Variants in BMPR2 observed in about 807,000 individuals in gnomAD.
The protein encoded by BMPR2 is bone morphogenetic protein receptor type 2, also known as bone morphogenetic protein receptor type-2.
BMPR2 carries 29 observed loss-of-function variants against 100.8 expected under a neutral mutation model. The observed-to-expected ratio is 0.29, with a 90% confidence interval of 0.21 to 0.39. BMPR2 has a LOEUF of 0.39. Among genes scored for constraint, BMPR2 ranks in the 10% least tolerant of loss-of-function variants. The probability of loss-of-function intolerance (pLI) is 1.00; values close to 1 mark genes in which losing one functional copy is unlikely to be tolerated. For synonymous variants in BMPR2, 382 were observed against 442.3 expected (o/e 0.86, Z 1.71); for missense variants, 1,011 against 1,274.5 (o/e 0.79, Z 3.15).
chr2:202,521,084 T>G (rs1452862370), intron 7 of BMPR2: 1 of 153,204 alleles, frequency 6.5e-6, no homozygotes, highest in Non-Finnish European at 1.5e-5. Context: ...GGGGCAGCAG[T>G]CCAGGTGCTC....
At chr2:202,486,378 C>T (rs530353125) in intron 3 of BMPR2, among the ~76,000 whole-genome samples, 2 of 152,214 alleles carry the variant, frequency 1.3e-5, no homozygotes, top group East Asian at 3.9e-4. Context: ...CTTGTAATCC[C>T]AGCACTTTGG....
intron 1 of BMPR2, among the ~76,000 whole-genome samples, chr2:202,399,792 A>G (rs1210832907): frequency 1.3e-5 from 2 of 152,194 alleles, no homozygotes; most frequent in Non-Finnish European, 2.9e-5. Context: ...TGTTTTTTAA[A>G]TAGCAGAGAC....
At position 202,528,632 on chromosome 2, in the gene BMPR2, T is replaced by TA. The variant is rs1209827404; in HGVS notation, c.968-2161dup. On this transcript the variant is annotated intron_variant, in intron 7 of 12. Coordinates refer to ENST00000374580, the MANE Select transcript of BMPR2 (RefSeq NM_001204.7). ...CTATCTTAAATATGCTCAGAACACT[T>TA]ACATTAGCCTACAGTTGGCCAAATC... 2.6e-5 allele frequency among the ~76,000 whole-genome samples: 4 copies of TA among 152,344 alleles called. No individual in the cohort carries two copies. The East Asian group carries it at 7.7e-4, about 29-fold the overall frequency.
At chr2:202,417,402 G>A (rs778531018) in intron 1 of BMPR2, among the ~76,000 whole-genome samples, 1 of 151,302 alleles carries the variant, frequency 6.6e-6, no homozygotes, top group Admixed American at 6.6e-5. Context: ...TTCCGGGTTC[G>A]AGCGATTCTC....
At chr2:202,405,659 G>A (rs1353735961) in intron 1 of BMPR2, among the ~76,000 whole-genome samples, 1 of 130,474 alleles carries the variant, frequency 7.7e-6, no homozygotes, top group African/African-American at 3.0e-5. Context: ...TTGCACTCCA[G>A]CCTGAGCAAC....
rs369846061 is a variant in BMPR2 at position 202,531,627 on chromosome 2, AATTT to A, written c.1128+682_1128+685del. ...ATATATGTATTTTTGTGATTTTAAA[AATTT>A]ATTTATTTGTTTATTTTGAGATGGA... On this transcript the variant is annotated intron_variant, in intron 8 of 12. Coordinates refer to ENST00000374580, the MANE Select transcript of BMPR2 (RefSeq NM_001204.7). Among the ~76,000 whole-genome samples, 43 of 152,176 alleles carry A rather than the reference AATTT, an allele frequency of 2.8e-4. No individual in the cohort carries two copies. The East Asian group carries it at 7.5e-3, about 27-fold the overall frequency.
At chr2:202,522,568 A>G (rs951584031) in intron 7 of BMPR2, among the ~76,000 whole-genome samples, 1 of 151,524 alleles carries the variant, frequency 6.6e-6, no homozygotes, top group African/African-American at 2.4e-5. Context: ...AGTGACTCAC[A>G]TCTATAATCC....
Position 202,532,849 on chromosome 2 carries a change from CT to C in BMPR2, c.1276+120del. 8.0e-7 allele frequency: 1 copy of C among 1,252,700 alleles called. No homozygotes were observed. The highest frequency in any genetic ancestry group is 1.1e-6 in the Non-Finnish European group (1 of 899,472). The allele number at this position is 1,252,700 out of a possible 1,614,324, so 77.6% of individuals were successfully genotyped here. A position where few individuals can be genotyped will look rare whatever the true frequency, so the allele number is the denominator to read the frequency against. On this transcript the variant is annotated intron_variant, in intron 9 of 12. Coordinates refer to ENST00000374580, the MANE Select transcript of BMPR2 (RefSeq NM_001204.7). The surrounding 1 kb of genome is among the most constrained non-coding windows in gnomAD (Gnocchi z 4.1). ...AGAATCTTTTTACTTTCATTTAAAC[CT>C]TTAGTTCATTGCTATCTAGTGTTTA...
intron 1 of BMPR2, among the ~76,000 whole-genome samples, chr2:202,435,376 C>CATATAT (rs141854934): frequency 0.038 from 3,873 of 103,252 alleles, 131 homozygotes; most frequent in Non-Finnish European, 0.047. Flanking sequence ...AAAAAAAATA[C>CATATAT]ATATATATAT....
chr2:202,543,589 T>C (rs540406541), intron 10 of BMPR2, among the ~76,000 whole-genome samples: 1 of 152,212 alleles, frequency 6.6e-6, no homozygotes, highest in Non-Finnish European at 1.5e-5. Context: ...CTCTCCCTAC[T>C]ATCACTCTCC....
At chr2:202,540,656 C>T (rs964655900) in intron 9 of BMPR2, among the ~76,000 whole-genome samples, 7 of 152,098 alleles carry the variant, frequency 4.6e-5, no homozygotes, top group African/African-American at 1.7e-4. Flanking sequence ...GAAACATAAA[C>T]TTATTTGTAA....
chr2:202,393,998 A>C (rs977275688), intron 1 of BMPR2, among the ~76,000 whole-genome samples: 1 of 150,420 alleles, frequency 6.6e-6, no homozygotes, highest in Non-Finnish European at 1.5e-5. Flanking sequence ...TTGGAGGAGC[A>C]GTGAATTTCT....
At chr2:202,513,673 T>C in intron 3 of BMPR2, 46 bp from the exon 4 acceptor site, 2 of 1,438,758 alleles carry the variant, frequency 1.4e-6, no homozygotes, top group Non-Finnish European at 2.0e-6. Flanking sequence ...TTTAACAAAA[T>C]ACTTTTTTAA....
At chr2:202,383,672 CAAAAAAAAA>C (rs568495261) in intron 1 of BMPR2, among the ~76,000 whole-genome samples, 1 of 105,308 alleles carries the variant, frequency 9.5e-6, no homozygotes, top group African/African-American at 3.2e-5. Flanking sequence ...GAAACTCTGT[CAAAAAAAAA>C]AAAAAAAGAA....
At chr2:202,497,568 G>C (rs1003565359) in intron 3 of BMPR2, among the ~76,000 whole-genome samples, 5 of 152,240 alleles carry the variant, frequency 3.3e-5, no homozygotes, top group South Asian at 2.1e-4. Context: ...GTCAAGGGTC[G>C]ACAAAGAGGA....
chr2:202,448,923 T>TGG (rs886282724), intron 1 of BMPR2, among the ~76,000 whole-genome samples: 8 of 121,842 alleles, frequency 6.6e-5, no homozygotes, highest in Non-Finnish European at 1.0e-4. Flanking sequence ...AGTTTAGAAT[T>TGG]GGTGTGTGTG....
At chr2:202,518,090 G>A (rs1232437313) in intron 5 of BMPR2, among the ~76,000 whole-genome samples, 7 of 142,378 alleles carry the variant, frequency 4.9e-5, no homozygotes, top group African/African-American at 1.8e-4. Context: ...CCTCCCAAAG[G>A]GCTGGGATTA....
At chr2:202,528,370 G>C (rs1559065867) in intron 7 of BMPR2, among the ~76,000 whole-genome samples, 1 of 152,100 alleles carries the variant, frequency 6.6e-6, no homozygotes, top group South Asian at 2.1e-4. Flanking sequence ...TGTATTTTTA[G>C]TAGAGACAGG....
At chr2:202,384,277 G>A (rs778970677) in intron 1 of BMPR2, among the ~76,000 whole-genome samples, 2 of 152,196 alleles carry the variant, frequency 1.3e-5, no homozygotes, top group African/African-American at 4.8e-5. Flanking sequence ...CATCAGTAAC[G>A]TTTAAAATAC....
Sources: gnomAD v4.1 joint callset for allele counts (sites outside exome capture counted in the v4.1 genomes callset) on GRCh38, gnomAD v4.1.1 for gene constraint, Gnocchi (gnomAD v3.1) non-coding constraint, MANE v1.5 for transcripts, NCBI Gene and HGNC (gene_info 2026-07-23, HGNC 2026-07-21) for gene names.